ITSN1: variants seen among roughly 807,000 people sequenced by gnomAD.
ITSN1 encodes the protein intersectin-1.
ITSN1 carries 58 observed loss-of-function variants against 239.8 expected under a neutral mutation model. The observed-to-expected ratio is 0.24, with a 90% confidence interval of 0.20 to 0.30. The LOEUF is 0.30. Ranked by LOEUF, ITSN1 falls within the 10% of genes least tolerant of loss-of-function variation. ITSN1 has a pLI of 1.00. For missense variants in ITSN1, 1,558 were observed against 2,103.3 expected, an observed-to-expected ratio of 0.74 and a Z score of 5.07; for synonymous variants, 780 against 770.8, an observed-to-expected ratio of 1.01 and a Z score of -0.20.
chr21:33,784,629 C>T (rs1359367448), intron 16 of ITSN1, among the ~76,000 whole-genome samples: 1 of 152,214 alleles, frequency 6.6e-6, no homozygotes. Context: ...TAGTATTCCT[C>T]TCAAACCTGA....
At chr21:33,745,941 C>T (rs949788297) in intron 5 of ITSN1, among the ~76,000 whole-genome samples, 3 of 152,138 alleles carry the variant, frequency 2.0e-5, no homozygotes, top group Admixed American at 6.5e-5. Context: ...TTGAGGAAGA[C>T]TTTAAAATGG....
rs372598978 is a variant in ITSN1, at chr21:33,683,930, T to C, written c.-32-34867T>C. Among the ~76,000 whole-genome samples, 52 of 152,318 alleles carry C rather than the reference T, an allele frequency of 3.4e-4. 1 individual carries two copies. The Middle Eastern group carries it at 0.017, about 50-fold the overall frequency. On this transcript the variant is annotated intron_variant, in intron 1 of 39. Transcript: ENST00000381318. ...AGAATGACAGCTTAAATAATGTGCT[T>C]GTTTGCTATTGGAGCCGATGCCCCT...
intron 1 of ITSN1, among the ~76,000 whole-genome samples, chr21:33,693,557 A>C (rs558672766): frequency 6.6e-6 from 1 of 152,216 alleles, no homozygotes; most frequent in South Asian, 2.1e-4. Flanking sequence ...GGGTTTCACT[A>C]TGTTGGTCAG....
At chr21:33,718,217 G>A (rs1469467037) in intron 1 of ITSN1, among the ~76,000 whole-genome samples, 1 of 152,194 alleles carries the variant, frequency 6.6e-6, no homozygotes, top group Non-Finnish European at 1.5e-5. Context: ...CTAGTATAAT[G>A]TGTAGCATGT....
chr21:33,839,342 G>T (rs1373753597), intron 29 of ITSN1, among the ~76,000 whole-genome samples: 1 of 152,194 alleles, frequency 6.6e-6, no homozygotes, highest in Non-Finnish European at 1.5e-5. Flanking sequence ...CCAGGGGAGG[G>T]TGGCTGCAGG....
At chr21:33,724,434 G>A (rs796074772) in intron 4 of ITSN1, among the ~76,000 whole-genome samples, 7 of 152,194 alleles carry the variant, frequency 4.6e-5, no homozygotes, top group African/African-American at 1.4e-4. Context: ...AAGTTTAAAC[G>A]CAAGAGACCT....
chr21:33,702,720 A>G (rs572529510), intron 1 of ITSN1, among the ~76,000 whole-genome samples: 55 of 152,362 alleles, frequency 3.6e-4, no homozygotes, highest in African/African-American at 1.3e-3. Context: ...ATAGCAAAAC[A>G]TTGGAACTGA....
At chr21:33,833,330 G>A (rs1422221083) in intron 27 of ITSN1, among the ~76,000 whole-genome samples, 2 of 152,106 alleles carry the variant, frequency 1.3e-5, no homozygotes, top group East Asian at 1.9e-4. Context: ...ATGGGCCTAC[G>A]GGTTTGTGAA....
In ITSN1 at chr21:33,797,311, G is replaced by T; in HGVS notation, c.1953-68G>T. On this transcript the variant is annotated intron_variant, in intron 17 of 39. Coordinates refer to ENST00000381318, the MANE Select transcript of ITSN1 (RefSeq NM_003024.3). This position sits in a 1 kb window ranked among gnomAD's most constrained non-coding sequence, Gnocchi z 4.9. The stretch of plus-strand genomic sequence containing the variant: ...ATTTACTGGATGGAGCTTTTTTTGT[G>T]AAAAGAGGCAACAGTAGTGTTAACT... The T allele has an allele frequency of 7.2e-7, 1 of 1,380,292 alleles. No homozygotes were observed. Among genetic ancestry groups the T allele is most frequent in the Non-Finnish European group, 1.0e-6 (1 of 985,088 alleles). 85.5% of individuals were successfully genotyped at this position (1,380,292 alleles called of 1,614,324 possible).
rs564683614 is a variant in ITSN1, at chr21:33,670,168, A to G, written c.-33+27455A>G. Among the ~76,000 whole-genome samples, 4 of 152,290 alleles carry G rather than the reference A, an allele frequency of 2.6e-5. No homozygotes were observed. In the South Asian group the frequency reaches 8.3e-4, roughly 32 times the overall value. ...CTTGAGCCCAGGACCAGCTTGGACA[A>G]CATAGTGAGACCTTGCCTCTACCAA... On this transcript the variant is annotated intron_variant, in intron 1 of 39. Transcript: ENST00000381318.
intron 29 of ITSN1, among the ~76,000 whole-genome samples, chr21:33,839,761 T>C (rs768707232): frequency 3.3e-5 from 5 of 152,214 alleles, no homozygotes; most frequent in Non-Finnish European, 5.9e-5. Context: ...GAAGTTGACA[T>C]GGGTTGTTCC....
chr21:33,760,094 C>T (rs963957416), intron 8 of ITSN1, among the ~76,000 whole-genome samples: 5 of 149,192 alleles, frequency 3.4e-5, no homozygotes, highest in African/African-American at 5.0e-5. Flanking sequence ...AGAGCGAGAC[C>T]GAGACTCCAT....
chr21:33,718,426 T>A (rs78463835), intron 1 of ITSN1, among the ~76,000 whole-genome samples: 6,736 of 152,254 alleles, frequency 0.044, 506 homozygotes, highest in African/African-American at 0.16. Context: ...ACTTTTAAGC[T>A]TACAGAATAA....
intron 26 of ITSN1, 147 bp from the exon 27 acceptor site, chr21:33,829,477 G>C (rs1396778916): frequency 2.5e-6 from 2 of 806,926 alleles, no homozygotes; most frequent in Non-Finnish European, 3.9e-6. Flanking sequence ...GGGCGATTCA[G>C]GGAGCCTTAC....
At chr21:33,810,190 C>T (rs141302289) in intron 20 of ITSN1, among the ~76,000 whole-genome samples, 144 of 152,294 alleles carry the variant, frequency 9.5e-4, no homozygotes, top group African/African-American at 3.3e-3. Context: ...AAAGTAGAAT[C>T]GTTTTGGCCA....
chr21:33,777,851 G>T (rs2069764990), intron 14 of ITSN1, among the ~76,000 whole-genome samples: 1 of 152,186 alleles, frequency 6.6e-6, no homozygotes, highest in Non-Finnish European at 1.5e-5. Context: ...TTGGATAGAA[G>T]TGGGAAGAGC....
chr21:33,788,548 T>C (rs2070847867), intron 16 of ITSN1, among the ~76,000 whole-genome samples: 1 of 152,022 alleles, frequency 6.6e-6, no homozygotes, highest in Non-Finnish European at 1.5e-5. Flanking sequence ...CTGGCCAACA[T>C]GGCAAAATCC....
intron 5 of ITSN1, among the ~76,000 whole-genome samples, chr21:33,741,127 C>T (rs1419850720): frequency 1.3e-5 from 2 of 152,066 alleles, no homozygotes; most frequent in Admixed American, 6.5e-5. Flanking sequence ...AGATGGGGTA[C>T]GTGTCTTGAA....
At position 33,811,009 on chromosome 21, in the gene ITSN1, T is replaced by A; in HGVS notation, c.2354T>A (p.Leu785His). 6.2e-7 allele frequency: 1 copy of A among 1,614,164 alleles called. No homozygotes were observed. Among genetic ancestry groups the A allele is most frequent in the Non-Finnish European group, 8.5e-7 (1 of 1,180,016 alleles). The change falls in exon 21 of 40, where the codon CTT becomes CAT. Residue 785 changes from leucine (L) to histidine (H), a missense_variant. Leu to His is a moderately conservative substitution (Grantham distance 99). Around this residue, in one of 2 missense-constraint regions of ITSN1, gnomAD observed 982 missense variants for 1,209.9 expected, o/e 0.81. Coordinates refer to ENST00000381318, the MANE Select transcript of ITSN1 (RefSeq NM_003024.3). Reference protein sequence around the residue: ...DESQTGEPGWLGGELKGKTGW... With the variant: ...DESQTGEPGWHGGELKGKTGW... ...AGCCAAACTGGAGAACCCGGCTGGC[T>A]TGGAGGAGAATTAAAAGGAAAGACA...
Sources: allele counts gnomAD v4.1 joint callset (sites outside exome capture counted in the v4.1 genomes callset), GRCh38; gene constraint gnomAD v4.1.1; regional missense constraint gnomAD v4.1.1; non-coding constraint Gnocchi (gnomAD v3.1); transcripts MANE v1.5; gene names NCBI Gene and HGNC (gene_info 2026-07-23, HGNC 2026-07-21).